ALK: variants seen among roughly 807,000 people sequenced by gnomAD.
The protein encoded by ALK is ALK tyrosine kinase receptor.
A neutral mutation model predicts 163.1 loss-of-function variants in ALK; 74 were observed. That is an observed-to-expected ratio of 0.45 (90% CI 0.38 to 0.55). The LOEUF (loss-of-function observed/expected upper bound fraction) is 0.55, where lower values mean the gene tolerates loss of function less well. ALK is among the 20% of genes least tolerant of loss of function. The pLI is 0.00. For missense variants in ALK, 2,063 were observed against 2,105.3 expected (o/e 0.98, Z 0.39); for synonymous variants, 960 against 843.2 (o/e 1.14, Z -2.40).
At chr2:29,252,317 C>G (rs543614553) in intron 11 of ALK, among the ~76,000 whole-genome samples, 2 of 152,268 alleles carry the variant, frequency 1.3e-5, no homozygotes, top group South Asian at 2.1e-4. Flanking sequence ...TGTTGATAAA[C>G]TACTTTTACT....
intron 3 of ALK, among the ~76,000 whole-genome samples, chr2:29,593,551 G>C (rs1468840761): frequency 6.6e-6 from 1 of 152,202 alleles, no homozygotes; most frequent in East Asian, 1.9e-4. Context: ...AACTCTGACA[G>C]AGCAGAAAAT....
intron 1 of ALK, among the ~76,000 whole-genome samples, chr2:29,846,866 T>C (rs1665856901): frequency 6.6e-6 from 1 of 152,196 alleles, no homozygotes; most frequent in Non-Finnish European, 1.5e-5. Flanking sequence ...TATTCCCATT[T>C]TACAGCAGAG....
At chr2:29,392,176 C>T (rs1448375362) in intron 4 of ALK, among the ~76,000 whole-genome samples, 1 of 152,186 alleles carries the variant, frequency 6.6e-6, no homozygotes, top group African/African-American at 2.4e-5. Flanking sequence ...TTTCAGGACT[C>T]CTTCCATTAA....
At chr2:29,223,804 A>C (rs986538557) in intron 19 of ALK, 1 of 513,668 alleles carries the variant, frequency 1.9e-6, no homozygotes, top group Admixed American at 3.3e-5. Context: ...TTCCTCCAAG[A>C]AGCAGACTGG....
chr2:29,616,237 G>A (rs1193335180), intron 3 of ALK, among the ~76,000 whole-genome samples: 1 of 152,164 alleles, frequency 6.6e-6, no homozygotes, highest in Non-Finnish European at 1.5e-5. Flanking sequence ...CCTGTGAGTT[G>A]GGATTTGAAG....
intron 1 of ALK, among the ~76,000 whole-genome samples, chr2:29,918,252 G>A (rs922151287): frequency 2.6e-5 from 4 of 152,182 alleles, no homozygotes; most frequent in African/African-American, 9.7e-5. Flanking sequence ...TGGATTCTAT[G>A]GTCATTTGAT....
At chr2:29,762,316 C>G (rs1680729216) in intron 1 of ALK, among the ~76,000 whole-genome samples, 2 of 152,190 alleles carry the variant, frequency 1.3e-5, no homozygotes, top group African/African-American at 2.4e-5. Flanking sequence ...GAATTGACCT[C>G]CACTACAATT....
At chr2:29,791,035 C>T (rs932980655) in intron 1 of ALK, among the ~76,000 whole-genome samples, 3 of 152,182 alleles carry the variant, frequency 2.0e-5, no homozygotes, top group African/African-American at 7.2e-5. Flanking sequence ...AAGTCTCTTC[C>T]TTTCCTTTAT....
At chr2:29,404,236 G>C (rs543834110) in intron 4 of ALK, among the ~76,000 whole-genome samples, 1 of 151,372 alleles carries the variant, frequency 6.6e-6, no homozygotes, top group East Asian at 1.9e-4. Flanking sequence ...CCCAGGAGGC[G>C]GAGGTTGCAG....
chr2:29,651,838 A>G lies in ALK; in HGVS notation c.952+43012T>C, dbSNP rs13397933. Among the ~76,000 whole-genome samples the G allele has an allele frequency of 8.0e-3, 1,211 of 152,298 alleles. 15 individuals are homozygous for G. The highest frequency in any genetic ancestry group is 0.027 in the African/African-American group (1,124 of 41,562). ...TCTCCTTGCATTGCAATTGAATCTT[A>G]TAATTACCATAAATATCTTTTAGAA... On this transcript the variant is annotated intron_variant, in intron 3 of 28. Coordinates refer to ENST00000389048, the MANE Select transcript of ALK (RefSeq NM_004304.5).
intron 4 of ALK, among the ~76,000 whole-genome samples, chr2:29,391,564 G>T (rs1669172960): frequency 6.6e-6 from 1 of 152,224 alleles, no homozygotes; most frequent in Non-Finnish European, 1.5e-5. Context: ...GCCTCCCAAA[G>T]TGCCTCCTTT....
intron 5 of ALK, among the ~76,000 whole-genome samples, chr2:29,352,395 T>G (rs1668140692): frequency 1.3e-5 from 2 of 152,252 alleles, no homozygotes; most frequent in South Asian, 4.1e-4. Flanking sequence ...TAGGGCCACG[T>G]GGTCACGAAA....
At chr2:29,571,638 ATGT>A (rs1674376358) in intron 3 of ALK, among the ~76,000 whole-genome samples, 1 of 32,432 alleles carries the variant, frequency 3.1e-5, no homozygotes, top group Non-Finnish European at 5.9e-5. Context: ...TTTTTTTGAG[ATGT>A]TGTCTCATTT....
intron 1 of ALK, 138 bp downstream of exon 1, chr2:29,919,855 G>C: frequency 9.1e-7 from 1 of 1,093,080 alleles, no homozygotes; most frequent in Non-Finnish European, 1.3e-6. Flanking sequence ...TCGGGAAGGA[G>C]GTTTGCGGGA....
At chr2:29,910,338 A>G (rs1667668878) in intron 1 of ALK, among the ~76,000 whole-genome samples, 1 of 152,154 alleles carries the variant, frequency 6.6e-6, no homozygotes, top group South Asian at 2.1e-4. Context: ...CAGAGAGAAA[A>G]GGGGCTGAGA....
intron 4 of ALK, among the ~76,000 whole-genome samples, chr2:29,392,196 T>A (rs1349849838): frequency 6.6e-6 from 1 of 152,126 alleles, no homozygotes; most frequent in Non-Finnish European, 1.5e-5. Flanking sequence ...AATATGAAAA[T>A]CTTATTTAAT....
chr2:29,829,686 G>T (rs1665309358), intron 1 of ALK, among the ~76,000 whole-genome samples: 1 of 152,198 alleles, frequency 6.6e-6, no homozygotes, highest in Admixed American at 6.5e-5. Flanking sequence ...AATTCTTGGT[G>T]AACAGTGAAC....
intron 22 of ALK, among the ~76,000 whole-genome samples, chr2:29,221,455 C>A (rs1465360696): frequency 1.3e-5 from 2 of 151,972 alleles, no homozygotes; most frequent in Non-Finnish European, 2.9e-5. Flanking sequence ...ACACACAGCC[C>A]CCCAAGTGTT....
intron 1 of ALK, among the ~76,000 whole-genome samples, chr2:29,759,248 T>G (rs1439604012): frequency 1.3e-5 from 2 of 152,224 alleles, no homozygotes; most frequent in Non-Finnish European, 2.9e-5. Context: ...TGAGGTTTTC[T>G]GTCTGCCTTT....
Sources: allele counts gnomAD v4.1 joint callset (sites outside exome capture counted in the v4.1 genomes callset), GRCh38; gene constraint gnomAD v4.1.1; transcripts MANE v1.5; gene names NCBI Gene and HGNC (gene_info 2026-07-23, HGNC 2026-07-21).